The following ZNF207 variants were observed in gnomAD, a reference collection of about 807,000 sequenced individuals.
ZNF207 encodes the protein zinc finger protein 207, also known as BUB3-interacting and GLEBS motif-containing protein ZNF207.
In ZNF207, 24 loss-of-function variants were observed where a neutral mutation model predicts 60.2. The observed-to-expected ratio is 0.40, with a 90% CI of 0.29 to 0.56. The LOEUF (loss-of-function observed/expected upper bound fraction) is 0.56, where lower values mean the gene tolerates loss of function less well. Among genes scored for constraint, ZNF207 ranks in the 20% least tolerant of loss-of-function variants. ZNF207 has a pLI of 0.49. For missense variants in ZNF207, 452 were observed against 636.6 expected (o/e 0.71, Z 3.12); for synonymous variants, 236 against 194.7 (o/e 1.21, Z -1.77).
At position 32,376,991 on chromosome 17, in the gene ZNF207, A is replaced by G. The variant is rs1905698481; in HGVS notation, c.*7232A>G. 6.6e-6 allele frequency: 1 copy of G among 152,036 alleles called. No individual in the cohort carries two copies. Among genetic ancestry groups the G allele is most frequent in the African/African-American group, 2.4e-5 (1 of 41,444 alleles). The allele number at this position is 152,036 out of a possible 1,614,324, so 9.4% of individuals were successfully genotyped here. On this transcript the variant is annotated 3_prime_UTR_variant, in exon 12 of 12. Transcript: ENST00000394670. ...TGGGTTGGTTGGTTTGCATTTTACT[A>G]TTATGGTGGAATCTGTGTTCCTTCA...
At chr17:32,362,259 G>T (rs1904932023) in intron 6 of ZNF207, among the ~76,000 whole-genome samples, 1 of 152,108 alleles carries the variant, frequency 6.6e-6, no homozygotes, top group Non-Finnish European at 1.5e-5. Flanking sequence ...GGGCTCAAGT[G>T]ATCCTCCCAC....
intron 2 of ZNF207, among the ~76,000 whole-genome samples, chr17:32,353,868 C>CAGCT (rs1188703579): frequency 6.6e-6 from 1 of 150,818 alleles, no homozygotes; most frequent in Non-Finnish European, 1.5e-5. Context: ...GTTAGACTCA[C>CAGCT]AGCTGTTCAC....
At chr17:32,356,376 C>A (rs985347504) in intron 2 of ZNF207, among the ~76,000 whole-genome samples, 2 of 151,948 alleles carry the variant, frequency 1.3e-5, no homozygotes, top group Non-Finnish European at 2.9e-5. Flanking sequence ...CAAAATATTC[C>A]AAAAAACCTT....
chr17:32,351,286 A>G (rs1377161504), intron 1 of ZNF207: 2 of 266,736 alleles, frequency 7.5e-6, no homozygotes, highest in Non-Finnish European at 1.2e-5. Context: ...GGAATTGGAA[A>G]CAACTTTATG....
chr17:32,358,153 T>G (rs1904659241), intron 2 of ZNF207, among the ~76,000 whole-genome samples: 1 of 152,216 alleles, frequency 6.6e-6, no homozygotes, highest in African/African-American at 2.4e-5. Flanking sequence ...CTGATTTGGA[T>G]AGGACTACTA....
chr17:32,357,317 T>TCTA (rs1904563190), intron 2 of ZNF207, among the ~76,000 whole-genome samples: 3 of 69,794 alleles, frequency 4.3e-5, no homozygotes, highest in African/African-American at 2.6e-4. Flanking sequence ...TTCTAATTAT[T>TCTA]ATTATTATTA....
In ZNF207 at chr17:32,367,895, A is replaced by G. The variant is rs746025031; in HGVS notation, c.1045A>G (p.Thr349Ala). The G allele has an allele frequency of 1.9e-6, 3 of 1,614,196 alleles. No individual in the cohort carries two copies. Among genetic ancestry groups the G allele is most frequent in the East Asian group, 2.2e-5 (1 of 44,884 alleles). ...TTATACACAGTCTACAGCTTCAACA[A>G]CTAGTACAACAAATAGTACTGCAGC... ...PAYTQSTAST[T>A]STTNSTAAKP... The change falls in exon 10 of 12, where the codon ACT (threonine) becomes GCT (alanine). Residue 349 changes from threonine (T) to alanine (A), a missense_variant. By Grantham distance (58) the Thr-to-Ala change is moderately conservative (BLOSUM62 0). Around this residue, in one of 2 missense-constraint regions of ZNF207, gnomAD observed 390 missense variants for 461.4 expected, o/e 0.85. Coordinates refer to ENST00000394670, the MANE Select transcript of ZNF207 (RefSeq NM_001098507.2).
In ZNF207 at chr17:32,369,690, C is replaced by T; in HGVS notation, c.1416C>T (p.Tyr472=). The T allele has an allele frequency of 8.1e-6, 13 of 1,596,350 alleles. No homozygotes were observed. The highest frequency in any genetic ancestry group is 1.0e-5 in the Non-Finnish European group (12 of 1,172,566). Reference sequence around the variant, plus strand: ...AGGGACCGCCAATGGTGCCCCCTTACCAGGGTGGGCCTCCTCGACCTCCGA... The same window carrying T: ...AGGGACCGCCAATGGTGCCCCCTTATCAGGGTGGGCCTCCTCGACCTCCGA... The part of the protein sequence containing the change: ...YGQGPPMVPP[Y]QGGPPRPPMG... The change falls in exon 12 of 12, where the codon TAC becomes TAT. Residue 472 remains tyrosine (Y), a synonymous_variant. Transcript: ENST00000394670.
rs890214359 is a variant in ZNF207 at position 32,371,236 on chromosome 17, A to G, written c.*1477A>G. The stretch of plus-strand genomic sequence containing the variant: ...TTGAGTTTTTCTCATTATAAAGTTA[A>G]GACTTCTAAGAAAATGGTAACATTT... On this transcript the variant is annotated 3_prime_UTR_variant, in exon 12 of 12. Transcript: ENST00000394670. 6.6e-6 allele frequency: 1 copy of G among 152,194 alleles called. No homozygotes were observed. Among genetic ancestry groups the G allele is most frequent in the Non-Finnish European group, 1.5e-5 (1 of 68,024 alleles). 9.4% of individuals were successfully genotyped at this position (152,194 alleles called of 1,614,324 possible). A position where few individuals can be genotyped will look rare whatever the true frequency, so the allele number is the denominator to read the frequency against.
In ZNF207 at chr17:32,371,046, T is replaced by C. The variant is rs1482409550; in HGVS notation, c.*1287T>C. ...GAATGTTGTGTTCTTACAGAGAGCT[T>C]TTCTGTAGAGATGACTGCTATTCAA... On this transcript the variant is annotated 3_prime_UTR_variant, in exon 12 of 12. Transcript: ENST00000394670. 6.6e-6 allele frequency: 1 copy of C among 152,240 alleles called. No homozygotes were observed. The highest frequency in any genetic ancestry group is 1.5e-5 in the Non-Finnish European group (1 of 68,030). 9.4% of individuals were successfully genotyped at this position (152,240 alleles called of 1,614,324 possible). A position where few individuals can be genotyped will look rare whatever the true frequency, so the allele number is the denominator to read the frequency against.
In ZNF207 at chr17:32,371,601, T is replaced by A. The variant is rs192591941; in HGVS notation, c.*1842T>A. 1.6e-4 allele frequency: 24 copies of A among 152,254 alleles called. No individual in the cohort carries two copies. Among genetic ancestry groups the A allele is most frequent in the African/African-American group, 5.3e-4 (22 of 41,544 alleles). 9.4% of individuals were successfully genotyped at this position (152,254 alleles called of 1,614,324 possible). On this transcript the variant is annotated 3_prime_UTR_variant, in exon 12 of 12. Coordinates refer to ENST00000394670, the MANE Select transcript of ZNF207 (RefSeq NM_001098507.2). ...CCATCTGTACAAAACATTTAAAAAT[T>A]AGCCAGGCGCGTTAGTGTGTGTCTG... is the stretch of plus-strand genomic sequence containing the variant.
At chr17:32,365,596 T>A in intron 8 of ZNF207, 109 bp downstream of exon 8, 2 of 954,526 alleles carry the variant, frequency 2.1e-6, no homozygotes, top group Non-Finnish European at 2.8e-6. Context: ...TTATAATATT[T>A]TTAATATTAT....
Position 32,381,614 on chromosome 17 carries a change from A to G in ZNF207, c.*11855A>G, listed in dbSNP as rs941611420. On this transcript the variant is annotated 3_prime_UTR_variant, in exon 12 of 12. Transcript: ENST00000394670. The stretch of plus-strand genomic sequence containing the variant: ...TGTAGCCATGTAATTAGAACTCACA[A>G]GGGGCATTGAAATGTTTTTCTTTTT... 1 of 152,232 alleles carries G rather than the reference A, an allele frequency of 6.6e-6. No homozygotes were observed. Among genetic ancestry groups the G allele is most frequent in the Non-Finnish European group, 1.5e-5 (1 of 68,034 alleles). 9.4% of individuals were successfully genotyped at this position (152,232 alleles called of 1,614,324 possible). A position where few individuals can be genotyped will look rare whatever the true frequency, so the allele number is the denominator to read the frequency against.
chr17:32,365,386 G>A lies in ZNF207; in HGVS notation c.727G>A (p.Val243Ile). Residue 243 changes from valine to isoleucine, a missense_variant, in exon 8 of 12, where the codon GTT (valine) becomes ATT (isoleucine). Physicochemically the swap from Val to Ile is conservative, Grantham distance 29. Transcript: ENST00000394670. Reference sequence around the variant, plus strand: ...TCCTCCAATGACTCAAGCACAGGCTGTTTCAGCGCCAGGTATTCTTAATAG... The same window carrying A: ...TCCTCCAATGACTCAAGCACAGGCTATTTCAGCGCCAGGTATTCTTAATAG... ...GIPPMTQAQA[V>I]SAPGILNRPP... The A allele has an allele frequency of 6.2e-7, 1 of 1,614,118 alleles. No individual in the cohort carries two copies.
intron 7 of ZNF207, among the ~76,000 whole-genome samples, chr17:32,364,616 C>T (rs1427909780): frequency 6.6e-6 from 1 of 152,084 alleles, no homozygotes; most frequent in Non-Finnish European, 1.5e-5. Context: ...CCTCGGCCTC[C>T]CAAAGTGCTG....
Position 32,360,649 on chromosome 17 carries a change from A to T in ZNF207, c.359A>T (p.Asp120Val). The change falls in exon 4 of 12, where the codon GAC (aspartate) becomes GTC (valine). Residue 120 changes from aspartate to valine, a missense_variant. Coordinates refer to ENST00000394670, the MANE Select transcript of ZNF207 (RefSeq NM_001098507.2). ...QDDSDEYDDDDSAASTSFQPQ... is the reference protein window; with the variant it reads ...QDDSDEYDDDVSAASTSFQPQ... ...GATTCTGATGAATATGATGATGACGACTCTGCAGCCTCAACTTCATTTCAG... is the reference window on the plus strand; with the variant it reads ...GATTCTGATGAATATGATGATGACGTCTCTGCAGCCTCAACTTCATTTCAG... 6.2e-7 allele frequency: 1 copy of T among 1,613,898 alleles called. No individual in the cohort carries two copies. The highest frequency in any genetic ancestry group is 8.5e-7 in the Non-Finnish European group (1 of 1,179,952).
chr17:32,351,537 C>G (rs2041507434), intron 1 of ZNF207: 17 of 1,519,888 alleles, frequency 1.1e-5, no homozygotes, highest in East Asian at 7.4e-5. Context: ...AGGAATTTGA[C>G]AAAGTATATT....
rs1905837188 is a variant in ZNF207 at position 32,380,406 on chromosome 17, G to T, written c.*10647G>T. The T allele has an allele frequency of 6.6e-6, 1 of 152,108 alleles. No individual in the cohort carries two copies. Among genetic ancestry groups the T allele is most frequent in the African/African-American group, 2.4e-5 (1 of 41,416 alleles). The allele number at this position is 152,108 out of a possible 1,614,324, so 9.4% of individuals were successfully genotyped here. On this transcript the variant is annotated 3_prime_UTR_variant, in exon 12 of 12. Transcript: ENST00000394670. ...GTCTGGTTTTTTTATTTTGTATGGT[G>T]CTTTAAATACTAATTTTATATTTCA...
In ZNF207 at chr17:32,381,439, G is replaced by A. The variant is rs1424964134; in HGVS notation, c.*11680G>A. On this transcript the variant is annotated 3_prime_UTR_variant, in exon 12 of 12. Transcript: ENST00000394670. ...AAATTTAAAGTTCTCACGAATATTAGTGCATCTTGTCACTTTGATTTGTCA... is the reference window on the plus strand; with the variant it reads ...AAATTTAAAGTTCTCACGAATATTAATGCATCTTGTCACTTTGATTTGTCA... 7.2e-5 allele frequency: 11 copies of A among 152,192 alleles called. No individual in the cohort carries two copies. Among genetic ancestry groups the A allele is most frequent in the African/African-American group, 4.8e-5 (2 of 41,448 alleles). 9.4% of individuals were successfully genotyped at this position (152,192 alleles called of 1,614,324 possible).
Sources: gnomAD v4.1 joint callset for allele counts (sites outside exome capture counted in the v4.1 genomes callset) on GRCh38, gnomAD v4.1.1 for gene constraint, gnomAD v4.1.1 regional missense constraint, MANE v1.5 for transcripts, NCBI Gene and HGNC (gene_info 2026-07-23, HGNC 2026-07-21) for gene names.